Variants in KIAA2012 observed in about 807,000 individuals in gnomAD.
The protein encoded by KIAA2012 is KIAA2012.
Under a neutral mutation model 150.6 loss-of-function variants are expected in KIAA2012, and 125 were observed. That is an observed-to-expected ratio of 0.83 (90% CI 0.72 to 0.96). The LOEUF is 0.96. KIAA2012 is among the 40% of genes least tolerant of loss of function. The pLI is 0.00. For synonymous variants in KIAA2012, 462 were observed against 504.7 expected (o/e 0.92, Z 1.13); for missense variants, 1,219 against 1,354.9 (o/e 0.90, Z 1.57).
At chr2:202,185,053 T>C (rs1281926010) in intron 16 of KIAA2012, among the ~76,000 whole-genome samples, 2 of 152,318 alleles carry the variant, frequency 1.3e-5, no homozygotes, top group Admixed American at 1.3e-4. Context: ...TCATATTTAT[T>C]TGGCTGGTTG....
At chr2:202,188,893 T>C (rs1191330577) in intron 18 of KIAA2012, among the ~76,000 whole-genome samples, 2 of 152,224 alleles carry the variant, frequency 1.3e-5, no homozygotes, top group Admixed American at 6.5e-5. Flanking sequence ...ATTCCTTTGC[T>C]TCTGAACACT....
rs1320519853 is a variant in KIAA2012 at position 202,190,306 on chromosome 2, C to T, written c.2624C>T (p.Thr875Ile). The T allele has an allele frequency of 3.2e-6, 5 of 1,550,406 alleles. No homozygotes were observed. The highest frequency in any genetic ancestry group is 1.7e-6 in the Non-Finnish European group (2 of 1,147,012). Residue 875 changes from threonine to isoleucine, a missense_variant, in exon 19 of 24, where the codon ACA (threonine) becomes ATA (isoleucine). Coordinates refer to ENST00000498697, the MANE Select transcript of KIAA2012 (RefSeq NM_001277372.4). ...LSGPDVSYEE[T>I]EDTSNRGSFA... ...GGGCCTGATGTCAGCTATGAGGAAA[C>T]AGAAGACACCTCAAATAGAGGTTCC... is the stretch of plus-strand genomic sequence containing the variant.
chr2:202,087,510 CAAAAAAA>C (rs59728832), intron 2 of KIAA2012, among the ~76,000 whole-genome samples: 24 of 52,530 alleles, frequency 4.6e-4, no homozygotes, highest in African/African-American at 1.2e-3. Flanking sequence ...GAAACCATCT[CAAAAAAA>C]AAAAAAAAAA....
intron 15 of KIAA2012, among the ~76,000 whole-genome samples, chr2:202,167,376 C>G (rs765148577): frequency 6.6e-6 from 1 of 152,194 alleles, no homozygotes; most frequent in South Asian, 2.1e-4. Context: ...TAGATCTGGG[C>G]TGAGGCCTGA....
intron 12 of KIAA2012, among the ~76,000 whole-genome samples, chr2:202,132,561 G>C (rs976583762): frequency 1.3e-5 from 2 of 151,284 alleles, no homozygotes; most frequent in African/African-American, 4.9e-5. Flanking sequence ...CAGCTACGCG[G>C]GAGGGGTACA....
rs374090794 is a variant in KIAA2012 at position 202,179,504 on chromosome 2, C to T, written c.2120-5249C>T. 5.4e-5 allele frequency: 38 copies of T among 703,384 alleles called. 1 individual carries two copies. Among genetic ancestry groups the T allele is most frequent in the Admixed American group, 2.0e-4 (11 of 55,924 alleles). The allele number at this position is 703,384 out of a possible 1,614,324, so 43.6% of individuals were successfully genotyped here. A position where few individuals can be genotyped will look rare whatever the true frequency, so the allele number is the denominator to read the frequency against. ...AGACAAAGTGGAACCAATTACCAAG[C>T]ACATAGGTTTGGTGTACAGTGGCGT... is the stretch of plus-strand genomic sequence containing the variant. On this transcript the variant is annotated intron_variant, in intron 15 of 23. Coordinates refer to ENST00000498697, the MANE Select transcript of KIAA2012 (RefSeq NM_001277372.4).
intron 12 of KIAA2012, among the ~76,000 whole-genome samples, chr2:202,135,436 A>T (rs1691039505): frequency 6.6e-6 from 1 of 152,100 alleles, no homozygotes; most frequent in Non-Finnish European, 1.5e-5. Context: ...AGTTTCTTTG[A>T]CTTGATCTTG....
intron 15 of KIAA2012, among the ~76,000 whole-genome samples, chr2:202,173,152 C>T (rs1387293741): frequency 1.3e-5 from 2 of 152,212 alleles, no homozygotes; most frequent in African/African-American, 2.4e-5. Flanking sequence ...CAGAGAACAG[C>T]AGTCGTCCCT....
At chr2:202,174,570 A>G (rs1167179466) in intron 15 of KIAA2012, among the ~76,000 whole-genome samples, 1 of 152,250 alleles carries the variant, frequency 6.6e-6, no homozygotes, top group Non-Finnish European at 1.5e-5. Flanking sequence ...ATAAAGCACA[A>G]TTTAAAAATA....
chr2:202,100,479 A>G, intron 7 of KIAA2012, 30 bp downstream of exon 7: 1 of 1,519,472 alleles, frequency 6.6e-7, no homozygotes, highest in South Asian at 1.2e-5. Context: ...TTGTGCATAC[A>G]GGAGAGAGAG....
intron 13 of KIAA2012, among the ~76,000 whole-genome samples, chr2:202,140,969 G>C (rs982327112): frequency 1.3e-5 from 2 of 152,168 alleles, no homozygotes; most frequent in African/African-American, 4.8e-5. Flanking sequence ...TGAGCGAGGG[G>C]AAGACATGTC....
At chr2:202,105,667 G>T (rs1167732651) in intron 8 of KIAA2012, 94 bp from the exon 9 acceptor site, 3 of 1,465,092 alleles carry the variant, frequency 2.0e-6, no homozygotes, top group Non-Finnish European at 2.7e-6. Context: ...AAACCACATG[G>T]TGTGAGCAGG....
chr2:202,157,683 G>C (rs1006985814), intron 14 of KIAA2012, among the ~76,000 whole-genome samples: 3 of 152,160 alleles, frequency 2.0e-5, no homozygotes, highest in African/African-American at 7.2e-5. Context: ...GTAACTTACC[G>C]AATGTCACAC....
intron 15 of KIAA2012, among the ~76,000 whole-genome samples, chr2:202,172,202 C>T (rs1375808862): frequency 6.6e-6 from 1 of 152,198 alleles, no homozygotes; most frequent in African/African-American, 2.4e-5. Context: ...TCACTATAAC[C>T]TTATGAGGCA....
intron 12 of KIAA2012, among the ~76,000 whole-genome samples, chr2:202,128,293 TCTCC>T (rs1690845586): frequency 6.6e-6 from 1 of 152,078 alleles, no homozygotes; most frequent in African/African-American, 2.4e-5. Flanking sequence ...TGAGACAGGG[TCTCC>T]CTCTGTTGCC....
At chr2:202,201,962 C>G in intron 22 of KIAA2012, 1 of 681,060 alleles carries the variant, frequency 1.5e-6, no homozygotes, top group Non-Finnish European at 2.6e-6. Flanking sequence ...GGAGCCACTT[C>G]ATGTCACGTG....
intron 15 of KIAA2012, among the ~76,000 whole-genome samples, chr2:202,171,847 C>CTTTTTTT (rs60916677): frequency 8.6e-6 from 1 of 116,720 alleles, no homozygotes; most frequent in Non-Finnish European, 1.6e-5. Context: ...TTGGCATTTA[C>CTTTTTTT]TTTTTTTTTT....
chr2:202,076,192 A>G (rs926423833), intron 2 of KIAA2012, among the ~76,000 whole-genome samples: 2 of 150,818 alleles, frequency 1.3e-5, no homozygotes, highest in African/African-American at 4.9e-5. Context: ...ACATTCCCAT[A>G]CCGTCATGCA....
At chr2:202,105,639 A>G (rs749132637) in intron 8 of KIAA2012, 122 bp from the exon 9 acceptor site, 348 of 1,304,894 alleles carry the variant, frequency 2.7e-4, no homozygotes, top group Non-Finnish European at 3.4e-4. Context: ...GAATCAGCAA[A>G]TGGACACTGC....
Sources: gnomAD v4.1 joint callset for allele counts (sites outside exome capture counted in the v4.1 genomes callset) on GRCh38, gnomAD v4.1.1 for gene constraint, MANE v1.5 for transcripts, NCBI Gene and HGNC (gene_info 2026-07-23, HGNC 2026-07-21) for gene names.